The following CDH12 variants were observed in gnomAD, a reference collection of about 807,000 sequenced individuals.
CDH12 encodes the protein cadherin 12.
In CDH12, 41 loss-of-function variants were observed where a neutral mutation model predicts 74.1. The ratio of observed to expected loss-of-function variants is 0.55; its 90% confidence interval spans 0.43 to 0.72. The LOEUF (loss-of-function observed/expected upper bound fraction) is 0.72, where lower values mean the gene tolerates loss of function less well. CDH12 is among the 30% of genes least tolerant of loss of function. The pLI is 0.00. For synonymous variants in CDH12, 399 were observed against 355.0 expected (o/e 1.12, Z -1.39); for missense variants, 945 against 977.2 (o/e 0.97, Z 0.44).
In CDH12 at chr5:21,981,165, C is replaced by A. The variant is rs143651552; in HGVS notation, c.232-5780G>T. Among the ~76,000 whole-genome samples the A allele has an allele frequency of 7.1e-3, 1,077 of 152,110 alleles. 19 individuals carry two copies. The highest frequency in any genetic ancestry group is 0.06 in the South Asian group (291 of 4,814). ...GACTTCCAAACTGCATACCCCTTGCCTTGTCCAAGTAAAACTGTACCACTG... is the reference window on the plus strand; with the variant it reads ...GACTTCCAAACTGCATACCCCTTGCATTGTCCAAGTAAAACTGTACCACTG... On this transcript the variant is annotated intron_variant, in intron 5 of 14. Coordinates refer to ENST00000382254, the MANE Select transcript of CDH12 (RefSeq NM_004061.5).
At chr5:22,711,441 A>C (rs1743280266) in intron 1 of CDH12, among the ~76,000 whole-genome samples, 2 of 152,268 alleles carry the variant, frequency 1.3e-5, no homozygotes, top group South Asian at 4.1e-4. Flanking sequence ...CACACCATAC[A>C]CAAAATACCC....
chr5:22,636,110 A>G (rs958620551), intron 1 of CDH12, among the ~76,000 whole-genome samples: 2 of 152,168 alleles, frequency 1.3e-5, no homozygotes, highest in Non-Finnish European at 2.9e-5. Flanking sequence ...ATCATTAATT[A>G]GGTAACCCCA....
intron 1 of CDH12, among the ~76,000 whole-genome samples, chr5:22,581,845 T>A (rs1202072382): frequency 6.6e-6 from 1 of 152,136 alleles, no homozygotes; most frequent in Non-Finnish European, 1.5e-5. Context: ...TTTTAACTTT[T>A]CTTACCAAAT....
chr5:22,371,968 A>G (rs145757066), intron 3 of CDH12, among the ~76,000 whole-genome samples: 7 of 152,190 alleles, frequency 4.6e-5, no homozygotes, highest in Admixed American at 4.6e-4. Context: ...AAACATGATG[A>G]TATTTTTATT....
chr5:22,285,101 C>A lies in CDH12; in HGVS notation c.-332-72458G>T, dbSNP rs76981976. On this transcript the variant is annotated intron_variant, in intron 3 of 14. Transcript: ENST00000382254. The stretch of plus-strand genomic sequence containing the variant: ...TTACAAATTCATGGAATAAAACAAT[C>A]AAAAAATTAATTAGTCTTTACTCAA... Among the ~76,000 whole-genome samples the A allele has an allele frequency of 4.5e-3, 683 of 152,040 alleles. 8 individuals are homozygous for A. The highest frequency in any genetic ancestry group is 0.016 in the African/African-American group (654 of 41,502).
At chr5:22,464,065 G>A (rs1225754501) in intron 2 of CDH12, among the ~76,000 whole-genome samples, 8 of 152,242 alleles carry the variant, frequency 5.3e-5, no homozygotes, top group East Asian at 1.9e-4. Context: ...TCACAGGGAC[G>A]GGTCTTTCCT....
rs530623149 is a variant in CDH12, at chr5:21,883,254, G to A, written c.527-28464C>T. 23 of 1,352,668 alleles carry A rather than the reference G, an allele frequency of 1.7e-5. No homozygotes were observed. The South Asian group carries it at 2.6e-4, about 15-fold the overall frequency. The allele number at this position is 1,352,668 out of a possible 1,614,324, so 83.8% of individuals were successfully genotyped here. ...TATTGAAGGCATGAAGTTTGATTGA[G>A]GGTATATTTCTCCATACTTTATTAA... is the stretch of plus-strand genomic sequence containing the variant. On this transcript the variant is annotated intron_variant, in intron 6 of 14. Transcript: ENST00000382254.
intron 9 of CDH12, among the ~76,000 whole-genome samples, chr5:21,810,301 G>A (rs1210685341): frequency 2.0e-5 from 3 of 152,100 alleles, no homozygotes; most frequent in Non-Finnish European, 4.4e-5. Context: ...GTGAGGCTGG[G>A]AAAATAGCCT....
intron 3 of CDH12, among the ~76,000 whole-genome samples, chr5:22,285,812 T>C (rs1377085864): frequency 6.6e-6 from 1 of 152,120 alleles, no homozygotes; most frequent in African/African-American, 2.4e-5. Context: ...TTCCTTCATT[T>C]ATTCAAAAAG....
intron 1 of CDH12, among the ~76,000 whole-genome samples, chr5:22,677,964 A>G (rs1277814476): frequency 6.6e-6 from 1 of 150,942 alleles, no homozygotes; most frequent in Non-Finnish European, 1.5e-5. Context: ...TATAAGAACA[A>G]TAATCCATCA....
intron 4 of CDH12, among the ~76,000 whole-genome samples, chr5:22,101,185 T>C (rs2150249653): frequency 6.6e-6 from 1 of 152,174 alleles, no homozygotes; most frequent in Middle Eastern, 3.4e-3. Flanking sequence ...CCTCATATTA[T>C]CTAGGAACAA....
intron 3 of CDH12, among the ~76,000 whole-genome samples, chr5:22,343,328 AG>A (rs1739970523): frequency 4.4e-5 from 3 of 67,872 alleles, no homozygotes; most frequent in African/African-American, 1.8e-4. Context: ...ACACACAGAG[AG>A]AGAGAGAGAG....
intron 3 of CDH12, among the ~76,000 whole-genome samples, chr5:22,239,061 T>C (rs1752656561): frequency 6.6e-6 from 1 of 152,230 alleles, no homozygotes; most frequent in Admixed American, 6.5e-5. Context: ...GATGGTTTTG[T>C]CTCAGCCTGG....
intron 1 of CDH12, among the ~76,000 whole-genome samples, chr5:22,523,932 T>A (rs566493511): frequency 6.6e-6 from 1 of 152,148 alleles, no homozygotes; most frequent in East Asian, 1.9e-4. Flanking sequence ...CAAATGTGTT[T>A]TATTTCCATT....
At chr5:22,237,755 A>G (rs1418968205) in intron 3 of CDH12, among the ~76,000 whole-genome samples, 1 of 152,232 alleles carries the variant, frequency 6.6e-6, no homozygotes, top group Non-Finnish European at 1.5e-5. Flanking sequence ...TATAAATTTT[A>G]GACAGAAATC....
At chr5:22,609,157 C>T (rs893869135) in intron 1 of CDH12, among the ~76,000 whole-genome samples, 8 of 152,098 alleles carry the variant, frequency 5.3e-5, no homozygotes, top group East Asian at 1.9e-4. Flanking sequence ...GGCATCAAAT[C>T]GGCTTTTTTA....
intron 1 of CDH12, among the ~76,000 whole-genome samples, chr5:22,824,219 A>C (rs1381313718): frequency 6.6e-6 from 1 of 152,172 alleles, no homozygotes; most frequent in Non-Finnish European, 1.5e-5. Context: ...TACCAGTAGT[A>C]ATGGTGAAAC....
intron 1 of CDH12, among the ~76,000 whole-genome samples, chr5:22,619,484 T>C (rs752869702): frequency 2.0e-5 from 3 of 152,136 alleles, no homozygotes; most frequent in Non-Finnish European, 2.9e-5. Flanking sequence ...TACATATTTC[T>C]GGTTATAATT....
intron 5 of CDH12, among the ~76,000 whole-genome samples, chr5:22,060,487 A>G (rs1159494049): frequency 6.6e-6 from 1 of 152,168 alleles, no homozygotes; most frequent in Non-Finnish European, 1.5e-5. Context: ...AAGTAAAATA[A>G]ATAAATTAAT....
Sources: gnomAD v4.1 joint callset for allele counts (sites outside exome capture counted in the v4.1 genomes callset) on GRCh38, gnomAD v4.1.1 for gene constraint, MANE v1.5 for transcripts, NCBI Gene and HGNC (gene_info 2026-07-23, HGNC 2026-07-21) for gene names.